The following ITSN1 variants were observed in gnomAD, a reference collection of about 807,000 sequenced individuals.
ITSN1 encodes intersectin-1.
ITSN1 carries 58 observed loss-of-function variants against 239.8 expected under a neutral mutation model. That is an observed-to-expected ratio of 0.24 (90% CI 0.20 to 0.30). The LOEUF is 0.30. Ranked by LOEUF, ITSN1 falls within the 10% of genes least tolerant of loss-of-function variation. The probability of loss-of-function intolerance (pLI) is 1.00; values close to 1 mark genes in which losing one functional copy is unlikely to be tolerated. For missense variants in ITSN1, 1,558 were observed against 2,103.3 expected (o/e 0.74, Z 5.07); for synonymous variants, 780 against 770.8 (o/e 1.01, Z -0.20).
At chr21:33,764,746 G>A (rs2068602900) in intron 9 of ITSN1, among the ~76,000 whole-genome samples, 1 of 152,198 alleles carries the variant, frequency 6.6e-6, no homozygotes, top group South Asian at 2.1e-4. Context: ...GTTTCCCATT[G>A]CATTTGTCCT....
intron 28 of ITSN1, 51 bp downstream of exon 28, chr21:33,834,475 T>G (rs747478837): frequency 8.2e-7 from 1 of 1,223,554 alleles, no homozygotes; most frequent in South Asian, 1.3e-5. Context: ...GCCACTTGAG[T>G]TTTTCCACTT....
intron 5 of ITSN1, among the ~76,000 whole-genome samples, chr21:33,740,687 G>A (rs2066791749): frequency 6.6e-6 from 1 of 152,128 alleles, no homozygotes; most frequent in African/African-American, 2.4e-5. Flanking sequence ...ACGGCTTCTG[G>A]TAGATGTATT....
At chr21:33,786,459 A>G (rs994650530) in intron 16 of ITSN1, among the ~76,000 whole-genome samples, 2 of 152,224 alleles carry the variant, frequency 1.3e-5, no homozygotes, top group Non-Finnish European at 2.9e-5. Context: ...GTGCTTACCT[A>G]TAGGCATAAA....
At chr21:33,735,295 T>C (rs756184855) in intron 5 of ITSN1, 91 bp downstream of exon 5, 1 of 1,348,026 alleles carries the variant, frequency 7.4e-7, no homozygotes, top group South Asian at 1.2e-5. Context: ...TATAACATTA[T>C]GAAATTCTAG....
rs536382257 is a variant in ITSN1, at chr21:33,869,415, C to A, written c.4173+2084C>A. 4.5e-4 allele frequency among the ~76,000 whole-genome samples: 68 copies of A among 152,316 alleles called. 1 individual carries two copies. The Middle Eastern group carries it at 0.024, about 53-fold the overall frequency. On this transcript the variant is annotated intron_variant, in intron 33 of 39. Coordinates refer to ENST00000381318, the MANE Select transcript of ITSN1 (RefSeq NM_003024.3). ...ACTAGAACAGGATGGGGGAAGCCAC[C>A]CCAACGATTCAATTATCTCCACCTG...
In ITSN1 at chr21:33,775,174, TTTAC is replaced by T. The variant is rs1322737454; in HGVS notation, c.1596+74_1596+77del. ...GCATCCTTTTCTCTAATTCATTTCA[TTTAC>T]TTACTTATTCAGTAAACATTAAGCA... On this transcript the variant is annotated intron_variant, in intron 14 of 39. Coordinates refer to ENST00000381318, the MANE Select transcript of ITSN1 (RefSeq NM_003024.3). 98 of 1,512,202 alleles carry T rather than the reference TTTAC, an allele frequency of 6.5e-5. 1 individual carries two copies. In the South Asian group the frequency reaches 9.3e-4, roughly 14 times the overall value. 93.7% of individuals were successfully genotyped at this position (1,512,202 alleles called of 1,614,324 possible).
rs1235158455 is a variant in ITSN1, at chr21:33,837,225, C to CA, written c.3661+598dup. 38 of 1,252,698 alleles carry CA rather than the reference C, an allele frequency of 3.0e-5. No individual in the cohort carries two copies. In the East Asian group the frequency reaches 1.0e-3, roughly 34 times the overall value. 77.6% of individuals were successfully genotyped at this position (1,252,698 alleles called of 1,614,324 possible). On this transcript the variant is annotated intron_variant, in intron 29 of 39. Coordinates refer to ENST00000381318, the MANE Select transcript of ITSN1 (RefSeq NM_003024.3). The stretch of plus-strand genomic sequence containing the variant: ...CTTGCAGAGATAGGAGCAAAAATTA[C>CA]AAAAACACACAGGGTAGTGGGTCCT...
intron 29 of ITSN1, among the ~76,000 whole-genome samples, chr21:33,845,342 A>G (rs149278056): frequency 4.3e-4 from 66 of 152,182 alleles, no homozygotes; most frequent in African/African-American, 1.4e-3. Flanking sequence ...GGGCTGAAGG[A>G]GCTGCTCCTG....
chr21:33,828,665 C>T (rs1569264942), intron 26 of ITSN1, among the ~76,000 whole-genome samples: 1 of 152,188 alleles, frequency 6.6e-6, no homozygotes, highest in Non-Finnish European at 1.5e-5. Context: ...CTTCTTTTCT[C>T]CTTTCGTTCA....
intron 2 of ITSN1, among the ~76,000 whole-genome samples, chr21:33,719,083 G>A (rs1218355687): frequency 1.3e-5 from 2 of 152,122 alleles, no homozygotes; most frequent in Admixed American, 6.6e-5. Context: ...TTTAGTATGT[G>A]TACCTAAAAG....
intron 27 of ITSN1, among the ~76,000 whole-genome samples, chr21:33,831,722 A>G (rs1410542743): frequency 6.6e-6 from 1 of 152,184 alleles, no homozygotes; most frequent in African/African-American, 2.4e-5. Context: ...AGAGCTGAAT[A>G]TATAAGAAAC....
intron 5 of ITSN1, among the ~76,000 whole-genome samples, chr21:33,746,195 G>A (rs1441530202): frequency 6.6e-6 from 1 of 152,126 alleles, no homozygotes; most frequent in Admixed American, 6.5e-5. Flanking sequence ...AGCCTATGCC[G>A]GTTACTAAAT....
chr21:33,740,618 G>T lies in ITSN1; in HGVS notation c.346+5414G>T, dbSNP rs183704421. On this transcript the variant is annotated intron_variant, in intron 5 of 39. Transcript: ENST00000381318. ...CAAAATCCTGATTGGAGGCTTGGAA[G>T]AGGGGAGAGAATTTCAAGAATTAAG... Among the ~76,000 whole-genome samples the T allele has an allele frequency of 8.5e-5, 13 of 152,338 alleles. No individual in the cohort carries two copies. In the East Asian group the frequency reaches 2.5e-3, roughly 29 times the overall value.
Position 33,898,920 on chromosome 21 carries a change from G to A in ITSN1, c.*10620G>A, listed in dbSNP as rs553632620. The A allele has an allele frequency of 3.9e-5, 6 of 152,242 alleles. No homozygotes were observed. The highest frequency in any genetic ancestry group is 7.3e-5 in the Non-Finnish European group (5 of 68,056). 9.4% of individuals were successfully genotyped at this position (152,242 alleles called of 1,614,324 possible). A position where few individuals can be genotyped will look rare whatever the true frequency, so the allele number is the denominator to read the frequency against. On this transcript the variant is annotated 3_prime_UTR_variant, in exon 40 of 40. Transcript: ENST00000381318. ...GCATGAATAATCTGCAAATCACTTAGAGGCACTGTCCATGTGGTCCATAAC... is the reference window on the plus strand; with the variant it reads ...GCATGAATAATCTGCAAATCACTTAAAGGCACTGTCCATGTGGTCCATAAC...
chr21:33,856,969 T>C lies in ITSN1; in HGVS notation c.3783+112T>C, dbSNP rs555469252. The C allele has an allele frequency of 8.6e-6, 9 of 1,043,458 alleles. No homozygotes were observed. In the African/African-American group the frequency reaches 1.3e-4, roughly 15 times the overall value. 64.6% of individuals were successfully genotyped at this position (1,043,458 alleles called of 1,614,324 possible). ...ATTCTGAGCCCAAGAAACTTTCTGA[T>C]GTTTGAGGAGCATCTGGATGGCAAA... On this transcript the variant is annotated intron_variant, in intron 30 of 39. Transcript: ENST00000381318.
In ITSN1 at chr21:33,782,060, A is replaced by T; in HGVS notation, c.1751A>T (p.Asp584Val). ...AKELARQHLRDQLDEVEKETR... is the reference protein window; with the variant it reads ...AKELARQHLRVQLDEVEKETR... ...GAACTAGCTCGGCAGCACCTACGAGACCAACTGGATGAAGTGGAGAAAGAA... is the reference window on the plus strand; with the variant it reads ...GAACTAGCTCGGCAGCACCTACGAGTCCAACTGGATGAAGTGGAGAAAGAA... The change falls in exon 16 of 40, where the codon GAC becomes GTC. Residue 584 changes from aspartate to valine, a missense_variant. Physicochemically the swap from Asp to Val is radical, Grantham distance 152. Transcript: ENST00000381318. 6.2e-7 allele frequency: 1 copy of T among 1,613,968 alleles called. No homozygotes were observed. The highest frequency in any genetic ancestry group is 8.5e-7 in the Non-Finnish European group (1 of 1,179,820).
chr21:33,864,071 G>A (rs901400795), intron 31 of ITSN1, among the ~76,000 whole-genome samples: 1 of 152,206 alleles, frequency 6.6e-6, no homozygotes, highest in South Asian at 2.1e-4. Flanking sequence ...AGAAAGAAAA[G>A]AAAGTGATCT....
chr21:33,889,861 A>C lies in ITSN1; in HGVS notation c.*1561A>C, dbSNP rs1021858954. The C allele has an allele frequency of 7.2e-5, 11 of 152,340 alleles. No homozygotes were observed. Among genetic ancestry groups the C allele is most frequent in the African/African-American group, 2.6e-4 (11 of 41,576 alleles). The allele number at this position is 152,340 out of a possible 1,614,324, so 9.4% of individuals were successfully genotyped here. The stretch of plus-strand genomic sequence containing the variant: ...CCCATGAGAGCCCGGTCATACTTCA[A>C]GCAATTTTTTTAAAAGTGTGTGTTG... On this transcript the variant is annotated 3_prime_UTR_variant, in exon 40 of 40. Coordinates refer to ENST00000381318, the MANE Select transcript of ITSN1 (RefSeq NM_003024.3).
At chr21:33,837,258 C>T in intron 29 of ITSN1, 1 of 1,217,648 alleles carries the variant, frequency 8.2e-7, no homozygotes, top group Non-Finnish European at 1.0e-6. Flanking sequence ...CCTTTTGTGG[C>T]TTTCCTAGTT....
Sources: allele counts gnomAD v4.1 joint callset (sites outside exome capture counted in the v4.1 genomes callset), GRCh38; gene constraint gnomAD v4.1.1; transcripts MANE v1.5; gene names NCBI Gene and HGNC (gene_info 2026-07-23, HGNC 2026-07-21).